The following ENPP6 variants were observed in gnomAD, a reference collection of about 807,000 sequenced individuals.
ENPP6 encodes ectonucleotide pyrophosphatase/phosphodiesterase 6, also known as glycerophosphocholine cholinephosphodiesterase ENPP6.
In ENPP6, 32 loss-of-function variants were observed where a neutral mutation model predicts 42.0. The observed-to-expected ratio is 0.76, with a 90% confidence interval of 0.58 to 1.02. The LOEUF is 1.02. ENPP6 is among the 50% of genes least tolerant of loss of function. The probability of loss-of-function intolerance (pLI) is 0.00; values close to 1 mark genes in which losing one functional copy is unlikely to be tolerated. For synonymous variants in ENPP6, 213 were observed against 216.0 expected (o/e 0.99, Z 0.12); for missense variants, 552 against 566.8 (o/e 0.97, Z 0.27).
At chr4:184,096,780 C>T (rs1735907344) in intron 7 of ENPP6, among the ~76,000 whole-genome samples, 2 of 152,158 alleles carry the variant, frequency 1.3e-5, no homozygotes, top group East Asian at 3.9e-4. Flanking sequence ...ATCCCAGCTT[C>T]TGGCTGGACT....
chr4:184,128,114 A>G (rs147312541), intron 2 of ENPP6, among the ~76,000 whole-genome samples: 73 of 152,410 alleles, frequency 4.8e-4, no homozygotes, highest in African/African-American at 1.7e-3. Context: ...ACCAGGAAGC[A>G]TTAATACTGA....
At chr4:184,198,410 G>A (rs1732838809) in intron 1 of ENPP6, among the ~76,000 whole-genome samples, 1 of 152,214 alleles carries the variant, frequency 6.6e-6, no homozygotes, top group African/African-American at 2.4e-5. Context: ...CGAAATGGGA[G>A]CCCTTCCGAG....
chr4:184,132,562 T>C (rs1736655548), intron 2 of ENPP6, among the ~76,000 whole-genome samples: 1 of 146,572 alleles, frequency 6.8e-6, no homozygotes, highest in Non-Finnish European at 1.5e-5. Context: ...TTCTACACTG[T>C]TAGTGCTATC....
intron 1 of ENPP6, among the ~76,000 whole-genome samples, chr4:184,206,258 T>C (rs1379580566): frequency 4.3e-5 from 6 of 139,684 alleles, no homozygotes; most frequent in African/African-American, 8.1e-5. Flanking sequence ...TGAATTTTTT[T>C]TTTTTTTTTT....
intron 1 of ENPP6, among the ~76,000 whole-genome samples, chr4:184,163,024 G>A (rs547526148): frequency 6.6e-6 from 1 of 152,304 alleles, no homozygotes; most frequent in East Asian, 1.9e-4. Flanking sequence ...CACCTGCTGA[G>A]GCTCAAGGCA....
Position 184,184,230 on chromosome 4 carries a change from G to A in ENPP6, c.242-30497C>T, listed in dbSNP as rs55782228. Among the ~76,000 whole-genome samples the A allele has an allele frequency of 0.1, 15,592 of 152,106 alleles. 1,059 individuals are homozygous for A. Among genetic ancestry groups the A allele is most frequent in the African/African-American group, 0.19 (7,911 of 41,444 alleles). On this transcript the variant is annotated intron_variant, in intron 1 of 7. Transcript: ENST00000296741. The surrounding 1 kb of genome is among the most constrained non-coding windows in gnomAD (Gnocchi z 4.7). ...GACAACCACAGATTTAGCACCAAGA[G>A]CTTTAAGTTTGGAATGATTATATTT...
At chr4:184,162,288 G>A (rs977542538) in intron 1 of ENPP6, among the ~76,000 whole-genome samples, 2 of 151,960 alleles carry the variant, frequency 1.3e-5, no homozygotes, top group Non-Finnish European at 2.9e-5. Context: ...CTGGAAAAAA[G>A]GGGGGAAGGA....
Position 184,153,765 on chromosome 4 carries a change from C to A in ENPP6, c.242-32G>T, listed in dbSNP as rs189917033. The A allele has an allele frequency of 2.7e-5, 43 of 1,598,886 alleles. No homozygotes were observed. The African/African-American group carries it at 5.1e-4, about 19-fold the overall frequency. ...CAATGAGAACACAGCTGTCAGTTTA[C>A]GGTTCTGGTGGTTTCTATTTTTATC... On this transcript the variant is annotated intron_variant, in intron 1 of 7. Coordinates refer to ENST00000296741, the MANE Select transcript of ENPP6 (RefSeq NM_153343.4).
chr4:184,203,702 C>T (rs139345436), intron 1 of ENPP6, among the ~76,000 whole-genome samples: 6 of 152,276 alleles, frequency 3.9e-5, no homozygotes, highest in African/African-American at 9.6e-5. Context: ...AGAGAGAACA[C>T]GGCCCTGCCC....
At chr4:184,144,179 A>G (rs139504785) in intron 2 of ENPP6, among the ~76,000 whole-genome samples, 113 of 152,314 alleles carry the variant, frequency 7.4e-4, no homozygotes, top group African/African-American at 2.6e-3. Context: ...CCCACTCACC[A>G]AACACCTCAG....
In ENPP6 at chr4:184,112,723, C is replaced by A. The variant is rs140684686; in HGVS notation, c.942G>T (p.Lys314Asn). 5.6e-6 allele frequency: 9 copies of A among 1,614,032 alleles called. No homozygotes were observed. Among genetic ancestry groups the A allele is most frequent in the Non-Finnish European group, 7.6e-6 (9 of 1,180,040 alleles). The stretch of plus-strand genomic sequence containing the variant: ...CCACTAAAGTCAAAGGAGAGACAAA[C>A]TTTCCTTTCTTGTAATAGAACCTGC... The part of the protein sequence containing the change: ...IPSRFYYKKG[K>N]FVSPLTLVAD... The change falls in exon 6 of 8, where the codon AAG (lysine) becomes AAT (asparagine). Residue 314 changes from lysine to asparagine, a missense_variant. By Grantham distance (94) the Lys-to-Asn change is moderately conservative. Coordinates refer to ENST00000296741, the MANE Select transcript of ENPP6 (RefSeq NM_153343.4).
chr4:184,097,680 C>T (rs1735935865), intron 6 of ENPP6, among the ~76,000 whole-genome samples: 3 of 152,308 alleles, frequency 2.0e-5, no homozygotes, highest in South Asian at 4.1e-4. Context: ...AGTGTATCTG[C>T]GGTGTCATAA....
At chr4:184,131,929 C>A (rs990895973) in intron 2 of ENPP6, among the ~76,000 whole-genome samples, 3 of 152,040 alleles carry the variant, frequency 2.0e-5, no homozygotes, top group Non-Finnish European at 4.4e-5. Context: ...ATCTAGGAAA[C>A]CTGGTGGTTG....
intron 1 of ENPP6, among the ~76,000 whole-genome samples, chr4:184,188,519 C>T (rs35355130): frequency 0.26 from 39,717 of 151,906 alleles, 5,884 homozygotes; most frequent in East Asian, 0.6. Flanking sequence ...GAAGCTGTGT[C>T]ACAGTCTTGC....
At chr4:184,215,736 C>A (rs1225416682) in intron 1 of ENPP6, among the ~76,000 whole-genome samples, 2 of 152,194 alleles carry the variant, frequency 1.3e-5, no homozygotes, top group African/African-American at 4.8e-5. Flanking sequence ...CATATGGAGA[C>A]CTGTGGCTTC....
At chr4:184,192,356 A>C (rs1256232973) in intron 1 of ENPP6, among the ~76,000 whole-genome samples, 1 of 152,226 alleles carries the variant, frequency 6.6e-6, no homozygotes, top group African/African-American at 2.4e-5. Flanking sequence ...ATTTTTGACA[A>C]AGCTGTCAGA....
At chr4:184,206,023 G>A (rs1732990163) in intron 1 of ENPP6, among the ~76,000 whole-genome samples, 1 of 152,104 alleles carries the variant, frequency 6.6e-6, no homozygotes, top group African/African-American at 2.4e-5. Context: ...AAGCTTCGCT[G>A]GATTTGGTGC....
intron 1 of ENPP6, among the ~76,000 whole-genome samples, chr4:184,197,132 G>A (rs1008147978): frequency 3.3e-5 from 5 of 152,212 alleles, no homozygotes; most frequent in African/African-American, 7.2e-5. Flanking sequence ...TGTAAAGGGT[G>A]TAAGCAGCCA....
intron 6 of ENPP6, among the ~76,000 whole-genome samples, chr4:184,108,498 A>G (rs887274605): frequency 6.6e-6 from 1 of 152,250 alleles, no homozygotes; most frequent in Non-Finnish European, 1.5e-5. Flanking sequence ...CTGTCAAGAA[A>G]GGATAAAGAA....
Sources: allele counts gnomAD v4.1 joint callset (sites outside exome capture counted in the v4.1 genomes callset), GRCh38; gene constraint gnomAD v4.1.1; non-coding constraint Gnocchi (gnomAD v3.1); transcripts MANE v1.5; gene names NCBI Gene and HGNC (gene_info 2026-07-23, HGNC 2026-07-21).